DPY30: variants seen among roughly 807,000 people sequenced by gnomAD.
DPY30 encodes protein dpy-30 homolog.
In DPY30, 6 loss-of-function variants were observed where a neutral mutation model predicts 16.2. The observed-to-expected ratio is 0.37, with a 90% CI of 0.20 to 0.73. The LOEUF (loss-of-function observed/expected upper bound fraction) is 0.73, where lower values mean the gene tolerates loss of function less well. Ranked by LOEUF, DPY30 falls within the 30% of genes least tolerant of loss-of-function variation. The probability of loss-of-function intolerance (pLI) is 0.51; values close to 1 mark genes in which losing one functional copy is unlikely to be tolerated. For missense variants in DPY30, 73 were observed against 113.1 expected (o/e 0.65, Z 1.61); for synonymous variants, 39 against 38.8 (o/e 1.00, Z -0.02).
intron 4 of DPY30, among the ~76,000 whole-genome samples, chr2:32,027,535 A>C (rs935274512): frequency 1.3e-5 from 2 of 151,224 alleles, no homozygotes; most frequent in African/African-American, 4.8e-5. Context: ...CTGTCTCAAA[A>C]AAAAAAAAAA....
chr2:32,038,135 C>A (rs201995664), intron 3 of DPY30, among the ~76,000 whole-genome samples: 1 of 108,058 alleles, frequency 9.3e-6, no homozygotes, highest in African/African-American at 3.4e-5. Flanking sequence ...CATTTTCTTT[C>A]TTTTTTTTTT....
chr2:32,028,278 G>A (rs1051887922), intron 4 of DPY30, among the ~76,000 whole-genome samples: 1 of 151,620 alleles, frequency 6.6e-6, no homozygotes, highest in African/African-American at 2.4e-5. Flanking sequence ...ACCACACCTG[G>A]CTGAGATGAG....
chr2:32,012,305 C>A (rs1465908945), intron 5 of DPY30, among the ~76,000 whole-genome samples: 3 of 151,312 alleles, frequency 2.0e-5, no homozygotes, highest in Admixed American at 1.3e-4. Flanking sequence ...AGGCTAAAAT[C>A]TCCACTGTAT....
chr2:32,012,120 C>T lies in DPY30; in HGVS notation n.378-68G>A, dbSNP rs540789172. ...ATACTAAACAAGCCCCTGACAGATTCCAGAGTAGATGACTGGCTGTCTAGT... is the reference window on the plus strand; with the variant it reads ...ATACTAAACAAGCCCCTGACAGATTTCAGAGTAGATGACTGGCTGTCTAGT... On this transcript the variant is annotated intron_variant and non_coding_transcript_variant, in intron 5 of 5. Transcript: ENST00000414013. 163 of 152,272 alleles carry T rather than the reference C, an allele frequency of 1.1e-3. 1 individual carries two copies. The highest frequency in any genetic ancestry group is 3.9e-3 in the African/African-American group (161 of 41,558). The allele number at this position is 152,272 out of a possible 1,614,324, so 9.4% of individuals were successfully genotyped here. A position where few individuals can be genotyped will look rare whatever the true frequency, so the allele number is the denominator to read the frequency against.
At chr2:32,026,451 G>A (rs889721739) in intron 4 of DPY30, among the ~76,000 whole-genome samples, 4 of 151,828 alleles carry the variant, frequency 2.6e-5, no homozygotes, top group Admixed American at 6.6e-5. Context: ...ATGTATTTAC[G>A]AGCTTGAACT....
chr2:32,029,525 T>G, intron 4 of DPY30, 69 bp downstream of exon 4: 167 of 1,573,650 alleles, frequency 1.1e-4, no homozygotes, highest in Non-Finnish European at 1.4e-4. Context: ...TACATAACTA[T>G]GATATTTCAG....
chr2:32,023,863 G>A (rs1572991739), downstream of DPY30: 1 of 1,317,804 alleles, frequency 7.6e-7, no homozygotes, highest in Non-Finnish European at 1.0e-6. Flanking sequence ...ATTCAATCAT[G>A]TAAAATATTT....
At chr2:32,015,863 A>G (rs1309452081) in intron 5 of DPY30, among the ~76,000 whole-genome samples, 4 of 151,944 alleles carry the variant, frequency 2.6e-5, no homozygotes, top group Non-Finnish European at 5.9e-5. Flanking sequence ...AAAAAAAAAA[A>G]AAAAAATACA....
chr2:32,031,718 C>A (rs1009137837), intron 3 of DPY30, among the ~76,000 whole-genome samples: 21 of 151,990 alleles, frequency 1.4e-4, no homozygotes, highest in Non-Finnish European at 3.1e-4. Context: ...CATGGTGGAA[C>A]CCTGTCTCTA....
At chr2:32,014,675 G>A (rs1675030450) in intron 5 of DPY30, among the ~76,000 whole-genome samples, 1 of 151,950 alleles carries the variant, frequency 6.6e-6, no homozygotes, top group African/African-American at 2.4e-5. Context: ...AGTAGAGATG[G>A]GGTTTCACCA....
At chr2:32,039,556 G>GTCT in intron 1 of DPY30, 64 bp from the exon 2 acceptor site, 2 of 1,539,650 alleles carry the variant, frequency 1.3e-6, no homozygotes, top group Non-Finnish European at 1.8e-6. Flanking sequence ...CCAGGATGGA[G>GTCT]TGCAGCCCAG....
chr2:32,031,626 G>A (rs1342871018), intron 3 of DPY30, among the ~76,000 whole-genome samples: 2 of 151,524 alleles, frequency 1.3e-5, no homozygotes, highest in Non-Finnish European at 2.9e-5. Context: ...CGGGCACGGT[G>A]GCTCACACCT....
At chr2:32,021,660 C>T (rs1356059509), downstream of DPY30, among the ~76,000 whole-genome samples, 1 of 150,956 alleles carries the variant, frequency 6.6e-6, no homozygotes, top group Admixed American at 6.6e-5. Context: ...GCCTGGGCAA[C>T]CGAGCAAGAC....
At chr2:32,031,263 T>C (rs538609489) in intron 3 of DPY30, among the ~76,000 whole-genome samples, 1 of 151,270 alleles carries the variant, frequency 6.6e-6, no homozygotes, top group African/African-American at 2.4e-5. Flanking sequence ...CTACTAATAA[T>C]ACAAAAATTA....
intron 3 of DPY30, among the ~76,000 whole-genome samples, chr2:32,031,605 A>G (rs529373824): frequency 6.0e-5 from 9 of 151,164 alleles, no homozygotes; most frequent in Non-Finnish European, 1.0e-4. Context: ...TCAAAACGAA[A>G]AAACAAAGGC....
At chr2:32,014,635 C>G (rs1387096575) in intron 5 of DPY30, among the ~76,000 whole-genome samples, 3 of 152,106 alleles carry the variant, frequency 2.0e-5, no homozygotes, top group African/African-American at 2.4e-5. Flanking sequence ...AGGCGCCCAC[C>G]ACCACGCCCG....
chr2:32,033,984 A>C lies in DPY30; in HGVS notation c.85-4248T>G, dbSNP rs192511482. ...TTGGAGAACTTACAGGATAAAGTGTAGGGAGAGAGAACTTGAACAGAGCCT... is the reference window on the plus strand; with the variant it reads ...TTGGAGAACTTACAGGATAAAGTGTCGGGAGAGAGAACTTGAACAGAGCCT... On this transcript the variant is annotated intron_variant, in intron 3 of 4. Transcript: ENST00000342166. 7.9e-5 allele frequency among the ~76,000 whole-genome samples: 12 copies of C among 152,270 alleles called. No homozygotes were observed. The East Asian group carries it at 2.1e-3, about 27-fold the overall frequency.
chr2:32,030,954 A>G (rs1199011402), intron 3 of DPY30, among the ~76,000 whole-genome samples: 1 of 152,174 alleles, frequency 6.6e-6, no homozygotes, highest in Non-Finnish European at 1.5e-5. Flanking sequence ...GGCAGGTAAC[A>G]CTAAAAAACA....
intron 3 of DPY30, among the ~76,000 whole-genome samples, chr2:32,032,824 C>T (rs1011121865): frequency 9.9e-5 from 15 of 151,962 alleles, no homozygotes; most frequent in South Asian, 2.1e-4. Context: ...GGTGAAACCC[C>T]GTCTCTACTA....
Sources: allele counts gnomAD v4.1 joint callset (sites outside exome capture counted in the v4.1 genomes callset), GRCh38; gene constraint gnomAD v4.1.1; transcripts MANE v1.5; gene names NCBI Gene and HGNC (gene_info 2026-07-23, HGNC 2026-07-21).